The following GNAI1 variants were observed in gnomAD, a reference collection of about 807,000 sequenced individuals.
GNAI1 encodes the protein guanine nucleotide-binding protein G(i) subunit alpha-1.
A neutral mutation model predicts 38.9 loss-of-function variants in GNAI1; 11 were observed. That is an observed-to-expected ratio of 0.28 (90% CI 0.18 to 0.47). GNAI1 has a LOEUF of 0.47. GNAI1 is among the 20% of genes least tolerant of loss of function. GNAI1 has a pLI of 0.99. For synonymous variants in GNAI1, 166 were observed against 145.1 expected, an observed-to-expected ratio of 1.14 and a Z score of -1.04; for missense variants, 317 against 436.9, an observed-to-expected ratio of 0.73 and a Z score of 2.45.
chr7:80,171,907 C>T (rs1788104215), intron 1 of GNAI1, among the ~76,000 whole-genome samples: 1 of 152,100 alleles, frequency 6.6e-6, no homozygotes, highest in Admixed American at 6.6e-5. Context: ...TGTATATAAT[C>T]CTATTTGTGT....
intron 1 of GNAI1, among the ~76,000 whole-genome samples, chr7:80,154,963 T>C (rs1787793920): frequency 6.6e-6 from 1 of 152,164 alleles, no homozygotes; most frequent in Non-Finnish European, 1.5e-5. Context: ...GTTTGATCTT[T>C]AGTGAGATAT....
intron 1 of GNAI1, among the ~76,000 whole-genome samples, chr7:80,186,404 G>A (rs891729300): frequency 6.6e-6 from 1 of 152,144 alleles, no homozygotes; most frequent in Non-Finnish European, 1.5e-5. Flanking sequence ...GCAATGCAAA[G>A]TAAGCTAAGC....
chr7:80,185,517 G>A (rs903061010), intron 1 of GNAI1, among the ~76,000 whole-genome samples: 5 of 152,070 alleles, frequency 3.3e-5, no homozygotes, highest in African/African-American at 1.2e-4. Flanking sequence ...CCCTGCATTC[G>A]TTGACCGTTC....
chr7:80,200,752 ATTTTTAACAT>A (rs939330708), intron 4 of GNAI1, among the ~76,000 whole-genome samples: 1 of 150,386 alleles, frequency 6.6e-6, no homozygotes, highest in Non-Finnish European at 1.5e-5. Context: ...CATAATCTAT[ATTTTTAACAT>A]TTTACACTTG....
chr7:80,146,277 T>A (rs761805024), intron 1 of GNAI1, among the ~76,000 whole-genome samples: 22 of 152,204 alleles, frequency 1.4e-4, no homozygotes, highest in Non-Finnish European at 2.8e-4. Flanking sequence ...GCTCCCAAGC[T>A]TGCAGGCTCT....
intron 3 of GNAI1, among the ~76,000 whole-genome samples, chr7:80,196,749 C>T (rs1392697144): frequency 6.6e-6 from 1 of 151,674 alleles, no homozygotes; most frequent in Non-Finnish European, 1.5e-5. Flanking sequence ...CCTGAATGTC[C>T]TGGTAATGAT....
At chr7:80,197,510 C>A (rs1239311861) in intron 3 of GNAI1, among the ~76,000 whole-genome samples, 1 of 151,882 alleles carries the variant, frequency 6.6e-6, no homozygotes, top group Non-Finnish European at 1.5e-5. Context: ...GCGAAGAGTA[C>A]TTTTCTAAAA....
At chr7:80,136,164 T>TA in intron 1 of GNAI1, 1 of 472,754 alleles carries the variant, frequency 2.1e-6, no homozygotes, top group Non-Finnish European at 2.8e-6. Context: ...GGGAAGAAAA[T>TA]AAAGAGTAAA....
intron 1 of GNAI1, among the ~76,000 whole-genome samples, chr7:80,179,640 A>G (rs994973967): frequency 6.6e-6 from 1 of 152,176 alleles, no homozygotes; most frequent in African/African-American, 2.4e-5. Flanking sequence ...CCTACGTACA[A>G]GCTAACAATT....
At chr7:80,210,647 C>T (rs888633634) in intron 5 of GNAI1, among the ~76,000 whole-genome samples, 2 of 151,732 alleles carry the variant, frequency 1.3e-5, no homozygotes, top group Admixed American at 6.6e-5. Context: ...TAGTGCAGTC[C>T]ATTCATTTGT....
At chr7:80,172,611 G>C (rs968958824) in intron 1 of GNAI1, among the ~76,000 whole-genome samples, 1 of 152,060 alleles carries the variant, frequency 6.6e-6, no homozygotes, top group Non-Finnish European at 1.5e-5. Context: ...CTCATTTCCA[G>C]TTTCTGTTTC....
chr7:80,176,370 A>G (rs1178371432), intron 1 of GNAI1, among the ~76,000 whole-genome samples: 1 of 152,254 alleles, frequency 6.6e-6, no homozygotes, highest in African/African-American at 2.4e-5. Flanking sequence ...GCAAGTGCTG[A>G]TGTAGAAGCA....
At chr7:80,191,157 T>C (rs1788473128) in intron 3 of GNAI1, among the ~76,000 whole-genome samples, 1 of 152,094 alleles carries the variant, frequency 6.6e-6, no homozygotes, top group Non-Finnish European at 1.5e-5. Flanking sequence ...ATGCCTCATG[T>C]CCTCCCATTG....
rs1789113736 is a variant in GNAI1, at chr7:80,223,470, C to T, written c.*5977C>T. Among the ~76,000 whole-genome samples, 1 of 152,140 alleles carries T rather than the reference C, an allele frequency of 6.6e-6. No individual in the cohort carries two copies. Among genetic ancestry groups the T allele is most frequent in the Non-Finnish European group, 1.5e-5 (1 of 68,012 alleles). ...TGCACTCTTGAATTTTAATTATGTT[C>T]TGTGGAAACTTCACAGAGTTTTAGC... On this transcript the variant is annotated 3_prime_UTR_variant, in exon 8 of 8. Coordinates refer to ENST00000649796, the MANE Select transcript of GNAI1 (RefSeq NM_002069.6).
chr7:80,214,436 T>C (rs758675032), intron 7 of GNAI1, among the ~76,000 whole-genome samples: 17 of 152,186 alleles, frequency 1.1e-4, no homozygotes, highest in Non-Finnish European at 2.2e-4. Flanking sequence ...TCCATAAATA[T>C]TGTATACCTA....
In GNAI1 at chr7:80,219,169, A is replaced by G. The variant is rs1430343601; in HGVS notation, c.*1676A>G. ...TTAAATGTGTTAGTTTAGATTCTTT[A>G]TGTGCCTTTCATGAAAGATATGTTT... On this transcript the variant is annotated 3_prime_UTR_variant, in exon 8 of 8. Transcript: ENST00000649796. 1 of 152,450 alleles carries G rather than the reference A, an allele frequency of 6.6e-6. No homozygotes were observed. Among genetic ancestry groups the G allele is most frequent in the East Asian group, 1.9e-4 (1 of 5,180 alleles). The allele number at this position is 152,450 out of a possible 1,614,324, so 9.4% of individuals were successfully genotyped here.
intron 3 of GNAI1, among the ~76,000 whole-genome samples, chr7:80,197,819 C>T (rs1788606653): frequency 6.6e-6 from 1 of 152,098 alleles, no homozygotes; most frequent in South Asian, 2.1e-4. Flanking sequence ...AAATGTTTCA[C>T]AAATTGGCAA....
At chr7:80,193,009 GT>G (rs57665299) in intron 3 of GNAI1, among the ~76,000 whole-genome samples, 99,155 of 148,628 alleles carry the variant, frequency 0.67, 32,990 homozygotes, top group East Asian at 0.83. Context: ...TTGTTTTATT[GT>G]TTTTTTTTTT....
At chr7:80,208,665 C>T (rs1788820274) in intron 5 of GNAI1, among the ~76,000 whole-genome samples, 1 of 152,172 alleles carries the variant, frequency 6.6e-6, no homozygotes, top group Non-Finnish European at 1.5e-5. Flanking sequence ...ATCACATGTC[C>T]TCCTTCCCTG....
Sources: allele counts gnomAD v4.1 joint callset (sites outside exome capture counted in the v4.1 genomes callset), GRCh38; gene constraint gnomAD v4.1.1; transcripts MANE v1.5; gene names NCBI Gene and HGNC (gene_info 2026-07-23, HGNC 2026-07-21).